Variants in CAB39L observed in about 807,000 individuals in gnomAD.
CAB39L encodes calcium-binding protein 39-like.
In CAB39L, 23 loss-of-function variants were observed where a neutral mutation model predicts 39.1. The ratio of observed to expected loss-of-function variants is 0.59; its 90% CI spans 0.42 to 0.83. The LOEUF (loss-of-function observed/expected upper bound fraction) is 0.83, where lower values mean the gene tolerates loss of function less well. Ranked by LOEUF, CAB39L falls within the 40% of genes least tolerant of loss-of-function variation. The probability of loss-of-function intolerance (pLI) is 0.00; values close to 1 mark genes in which losing one functional copy is unlikely to be tolerated. For missense variants in CAB39L, 366 were observed against 391.9 expected, an observed-to-expected ratio of 0.93 and a Z score of 0.56; for synonymous variants, 126 against 137.2, an observed-to-expected ratio of 0.92 and a Z score of 0.57.
chr13:49,346,616 G>T (rs962381709), intron 7 of CAB39L, among the ~76,000 whole-genome samples: 2 of 152,112 alleles, frequency 1.3e-5, no homozygotes, highest in African/African-American at 4.8e-5. Flanking sequence ...TAATTGCAGG[G>T]ACATAAAAGG....
rs146309793 is a variant in CAB39L at position 49,407,389 on chromosome 13, C to T, written c.-31-24448G>A. ...TTGGCATACTCGTACTATAACAATT[C>T]ACTAGCAATAAGTCCTATAACTAGC... On this transcript the variant is annotated intron_variant, in intron 3 of 10. Transcript: ENST00000409308. 9.5e-4 allele frequency among the ~76,000 whole-genome samples: 145 copies of T among 152,242 alleles called. 1 individual carries two copies. The highest frequency in any genetic ancestry group is 7.3e-3 in the Admixed American group (111 of 15,296).
intron 1 of CAB39L, among the ~76,000 whole-genome samples, chr13:49,441,665 G>A (rs1957527028): frequency 6.6e-6 from 1 of 152,044 alleles, no homozygotes; most frequent in Non-Finnish European, 1.5e-5. Flanking sequence ...TTCCAGTTTT[G>A]GCCATTACAA....
chr13:49,359,902 A>G, intron 5 of CAB39L, 70 bp from the exon 6 acceptor site: 1 of 779,720 alleles, frequency 1.3e-6, no homozygotes, highest in Non-Finnish European at 2.2e-6. Flanking sequence ...TGTGGAATAT[A>G]TACATATATA....
At position 49,310,676 on chromosome 13, in the gene CAB39L, C is replaced by T. The variant is rs1057146839; in HGVS notation, c.*138G>A. On this transcript the variant is annotated 3_prime_UTR_variant, in exon 11 of 11. Transcript: ENST00000409308. ...ATTTTTTTCCATTCAAATGTTTATACTCCATCTACCCAGAACAATTACAGC... is the reference window on the plus strand; with the variant it reads ...ATTTTTTTCCATTCAAATGTTTATATTCCATCTACCCAGAACAATTACAGC... 2 of 730,736 alleles carry T rather than the reference C, an allele frequency of 2.7e-6. No homozygotes were observed. The highest frequency in any genetic ancestry group is 4.4e-6 in the Non-Finnish European group (2 of 454,370). The allele number at this position is 730,736 out of a possible 1,614,324, so 45.3% of individuals were successfully genotyped here. A position where few individuals can be genotyped will look rare whatever the true frequency, so the allele number is the denominator to read the frequency against.
chr13:49,332,460 A>G lies in CAB39L; in HGVS notation c.691-370T>C, dbSNP rs74074582. 4.0e-3 allele frequency among the ~76,000 whole-genome samples: 605 copies of G among 152,316 alleles called. 6 individuals are homozygous for G. The highest frequency in any genetic ancestry group is 0.014 in the African/African-American group (564 of 41,560). Reference sequence around the variant, plus strand: ...TAATAACAAAATTGGTACCATAATGATACCTTCTTTACCTGCATAAATGTA... The same window carrying G: ...TAATAACAAAATTGGTACCATAATGGTACCTTCTTTACCTGCATAAATGTA... On this transcript the variant is annotated intron_variant, in intron 9 of 10. Transcript: ENST00000409308.
intron 3 of CAB39L, among the ~76,000 whole-genome samples, chr13:49,410,431 T>C (rs1343878086): frequency 6.6e-6 from 1 of 152,246 alleles, no homozygotes; most frequent in Non-Finnish European, 1.5e-5. Context: ...TTCACTTTTC[T>C]ACAAATTATT....
intron 3 of CAB39L, among the ~76,000 whole-genome samples, chr13:49,427,228 A>T (rs9535241): frequency 6.6e-6 from 1 of 152,006 alleles, no homozygotes; most frequent in Admixed American, 6.5e-5. Context: ...CAGTTTCTAA[A>T]AAGATTCTCC....
Position 49,358,767 on chromosome 13 carries a change from G to A in CAB39L, c.395+947C>T, listed in dbSNP as rs138019046. Among the ~76,000 whole-genome samples, 513 of 152,184 alleles carry A rather than the reference G, an allele frequency of 3.4e-3. 10 individuals carry two copies. Among genetic ancestry groups the A allele is most frequent in the Admixed American group, 0.023 (352 of 15,284 alleles). On this transcript the variant is annotated intron_variant, in intron 6 of 10. Transcript: ENST00000409308. ...CCCAGCTACCCGGGAGGCTGAGGCAGGAGAACTGCTTGAACCCAGGAGGCA... is the reference window on the plus strand; with the variant it reads ...CCCAGCTACCCGGGAGGCTGAGGCAAGAGAACTGCTTGAACCCAGGAGGCA...
At chr13:49,414,409 A>G (rs760252246) in intron 3 of CAB39L, among the ~76,000 whole-genome samples, 18 of 152,194 alleles carry the variant, frequency 1.2e-4, no homozygotes, top group Non-Finnish European at 2.4e-4. Context: ...TTCTACTAAC[A>G]AAAAGCTATC....
intron 10 of CAB39L, among the ~76,000 whole-genome samples, chr13:49,316,174 G>A (rs1042729872): frequency 6.6e-6 from 1 of 152,072 alleles, no homozygotes; most frequent in Admixed American, 6.5e-5. Flanking sequence ...TGGCCTTATA[G>A]AAATAAAAGG....
chr13:49,312,675 A>T (rs1954030398), intron 10 of CAB39L, among the ~76,000 whole-genome samples: 1 of 152,224 alleles, frequency 6.6e-6, no homozygotes, highest in Admixed American at 6.5e-5. Flanking sequence ...ACAGGCCTGC[A>T]CTTCACCTTT....
At chr13:49,396,911 A>G (rs1026891405) in intron 3 of CAB39L, among the ~76,000 whole-genome samples, 1 of 152,158 alleles carries the variant, frequency 6.6e-6, no homozygotes. Flanking sequence ...ATTCTCCTAA[A>G]ATGGGTGCAT....
chr13:49,321,856 T>A (rs1566408415), intron 10 of CAB39L, among the ~76,000 whole-genome samples: 1 of 152,320 alleles, frequency 6.6e-6, no homozygotes, highest in East Asian at 1.9e-4. Flanking sequence ...GTCTGGACAC[T>A]TCCTTAGAGT....
intron 3 of CAB39L, among the ~76,000 whole-genome samples, chr13:49,419,580 C>T (rs1957139996): frequency 6.6e-6 from 1 of 152,040 alleles, no homozygotes; most frequent in Admixed American, 6.6e-5. Flanking sequence ...GAAACCCTGT[C>T]TCAAAAAATA....
chr13:49,421,326 C>G (rs562890664), intron 3 of CAB39L, among the ~76,000 whole-genome samples: 118 of 152,282 alleles, frequency 7.7e-4, no homozygotes, highest in African/African-American at 2.6e-3. Flanking sequence ...CTCCACCCGA[C>G]CCCCACCAGC....
At chr13:49,330,502 A>G (rs914096811) in intron 10 of CAB39L, among the ~76,000 whole-genome samples, 5 of 152,072 alleles carry the variant, frequency 3.3e-5, no homozygotes, top group African/African-American at 4.8e-5. Flanking sequence ...GCACGTGTCT[A>G]TAGTCCCAGC....
At chr13:49,385,033 C>T (rs1281457624) in intron 3 of CAB39L, among the ~76,000 whole-genome samples, 1 of 152,186 alleles carries the variant, frequency 6.6e-6, no homozygotes, top group Non-Finnish European at 1.5e-5. Context: ...TAAAGCCAGG[C>T]ACTGACTCCT....
chr13:49,432,444 A>G (rs1451769507), intron 3 of CAB39L, among the ~76,000 whole-genome samples: 1 of 152,090 alleles, frequency 6.6e-6, no homozygotes, highest in Non-Finnish European at 1.5e-5. Context: ...CCATAAACAT[A>G]TTTATTTCAT....
At chr13:49,346,661 T>C (rs933824400) in intron 7 of CAB39L, among the ~76,000 whole-genome samples, 3 of 152,212 alleles carry the variant, frequency 2.0e-5, no homozygotes, top group African/African-American at 7.2e-5. Context: ...TTTAGAGGGC[T>C]GACTGTGCTG....
Sources: gnomAD v4.1 joint callset for allele counts (sites outside exome capture counted in the v4.1 genomes callset) on GRCh38, gnomAD v4.1.1 for gene constraint, MANE v1.5 for transcripts, NCBI Gene and HGNC (gene_info 2026-07-23, HGNC 2026-07-21) for gene names.